GOLM2: variants seen among roughly 807,000 people sequenced by gnomAD.
GOLM2 encodes protein GOLM2.
In GOLM2, 26 loss-of-function variants were observed where a neutral mutation model predicts 55.9. The ratio of observed to expected loss-of-function variants is 0.47; its 90% CI spans 0.34 to 0.65. The LOEUF (loss-of-function observed/expected upper bound fraction) is 0.65. GOLM2 is among the 30% of genes least tolerant of loss of function. GOLM2 has a pLI of 0.01. For missense variants in GOLM2, 486 were observed against 531.8 expected, an observed-to-expected ratio of 0.91 and a Z score of 0.85; for synonymous variants, 165 against 194.6, an observed-to-expected ratio of 0.85 and a Z score of 1.27.
At chr15:44,299,087 C>T (rs973123949) in intron 1 of GOLM2, among the ~76,000 whole-genome samples, 2 of 152,144 alleles carry the variant, frequency 1.3e-5, no homozygotes, top group East Asian at 3.8e-4. Flanking sequence ...AAGCCAGGAG[C>T]CTCCCCCTAG....
intron 6 of GOLM2, 143 bp from the exon 7 acceptor site, chr15:44,379,547 T>G: frequency 1.6e-6 from 1 of 612,676 alleles, no homozygotes; most frequent in Non-Finnish European, 2.8e-6. Context: ...TAAATTAGCA[T>G]ACCAACTATA....
chr15:44,292,610 C>G (rs1025687669), intron 1 of GOLM2, among the ~76,000 whole-genome samples: 1 of 152,112 alleles, frequency 6.6e-6, no homozygotes, highest in Non-Finnish European at 1.5e-5. Flanking sequence ...GCCTTGGGCT[C>G]ACAAAGTGCT....
chr15:44,330,461 C>G (rs1225323335), intron 3 of GOLM2, among the ~76,000 whole-genome samples: 1 of 146,572 alleles, frequency 6.8e-6, no homozygotes, highest in African/African-American at 2.5e-5. Context: ...TGTAGTGAGC[C>G]GAGATCGCGC....
intron 1 of GOLM2, among the ~76,000 whole-genome samples, chr15:44,321,723 C>G (rs2078951258): frequency 6.6e-6 from 1 of 151,918 alleles, no homozygotes; most frequent in Non-Finnish European, 1.5e-5. Flanking sequence ...TCTTTGCTAT[C>G]TTTGCAATTT....
chr15:44,358,943 T>C (rs2141168893), intron 6 of GOLM2, among the ~76,000 whole-genome samples: 1 of 151,780 alleles, frequency 6.6e-6, no homozygotes, highest in East Asian at 1.9e-4. Flanking sequence ...GATCACGAGG[T>C]CAGGAGATCG....
intron 9 of GOLM2, among the ~76,000 whole-genome samples, chr15:44,410,069 C>T (rs2079627053): frequency 6.6e-6 from 1 of 152,014 alleles, no homozygotes; most frequent in Non-Finnish European, 1.5e-5. Context: ...GTGTTTATAG[C>T]CATAAGGTGA....
At chr15:44,411,396 A>C (rs2079637711) in intron 9 of GOLM2, among the ~76,000 whole-genome samples, 1 of 152,088 alleles carries the variant, frequency 6.6e-6, no homozygotes, top group South Asian at 2.1e-4. Context: ...TTTTTAGAAA[A>C]CTATAGTATA....
At chr15:44,369,216 G>T (rs903932462) in intron 6 of GOLM2, among the ~76,000 whole-genome samples, 2 of 143,354 alleles carry the variant, frequency 1.4e-5, no homozygotes, top group Admixed American at 7.2e-5. Context: ...ATGTGTGTGT[G>T]TGTGTGTGTG....
chr15:44,331,439 A>G lies in GOLM2; in HGVS notation c.486-549A>G, dbSNP rs141992567. On this transcript the variant is annotated intron_variant, in intron 3 of 9. Coordinates refer to ENST00000299957, the MANE Select transcript of GOLM2 (RefSeq NM_138423.4). ...ATCCTTTGACTACTTGGCTAGCAGA[A>G]AGTCACCATCTTTATCTGTTTTGCT... Among the ~76,000 whole-genome samples, 652 of 152,300 alleles carry G rather than the reference A, an allele frequency of 4.3e-3. 5 individuals carry two copies. The highest frequency in any genetic ancestry group is 0.015 in the African/African-American group (631 of 41,560).
intron 6 of GOLM2, among the ~76,000 whole-genome samples, chr15:44,376,319 G>T (rs1265770601): frequency 6.6e-6 from 1 of 152,080 alleles, no homozygotes; most frequent in African/African-American, 2.4e-5. Flanking sequence ...TGTCACCCAG[G>T]CTGGAGTGCA....
intron 6 of GOLM2, among the ~76,000 whole-genome samples, chr15:44,370,789 A>G (rs1381305592): frequency 1.3e-5 from 2 of 152,086 alleles, no homozygotes; most frequent in Non-Finnish European, 2.9e-5. Flanking sequence ...GCCTCTGAGT[A>G]TCTGGGACTA....
intron 6 of GOLM2, among the ~76,000 whole-genome samples, chr15:44,359,136 C>T (rs984904218): frequency 1.5e-4 from 23 of 151,022 alleles, no homozygotes; most frequent in African/African-American, 3.2e-4. Flanking sequence ...GGTGACAGAG[C>T]GAGACTCTGT....
Position 44,328,745 on chromosome 15 carries a change from G to A in GOLM2, c.443G>A (p.Arg148Lys). Reference sequence around the variant, plus strand: ...CAAGAAGACCAGCTTCAGGACTATAGGAAGAACAATACTTACCTTGTGAAG... The same window carrying A: ...CAAGAAGACCAGCTTCAGGACTATAAGAAGAACAATACTTACCTTGTGAAG... ...LRQEDQLQDY[R>K]KNNTYLVKRL... The change falls in exon 3 of 10, where the codon AGG becomes AAG. Residue 148 changes from arginine (R) to lysine (K), a missense_variant. Physicochemically the swap from Arg to Lys is conservative, Grantham distance 26 (BLOSUM62 2). Transcript: ENST00000299957. 1.9e-6 allele frequency: 3 copies of A among 1,612,774 alleles called. No homozygotes were observed. The highest frequency in any genetic ancestry group is 2.5e-6 in the Non-Finnish European group (3 of 1,179,552).
intron 6 of GOLM2, among the ~76,000 whole-genome samples, chr15:44,363,741 C>G (rs1232692027): frequency 6.6e-6 from 1 of 151,350 alleles, no homozygotes; most frequent in East Asian, 2.0e-4. Flanking sequence ...GACACATGCA[C>G]ACGTATGTTT....
At chr15:44,310,800 C>T (rs933573253) in intron 1 of GOLM2, among the ~76,000 whole-genome samples, 3 of 152,094 alleles carry the variant, frequency 2.0e-5, no homozygotes, top group East Asian at 3.9e-4. Context: ...GGGCGGATCA[C>T]GAGGTCAGGA....
intron 1 of GOLM2, among the ~76,000 whole-genome samples, chr15:44,305,051 T>G (rs958325881): frequency 6.6e-6 from 1 of 152,264 alleles, no homozygotes; most frequent in African/African-American, 2.4e-5. Flanking sequence ...CAGGCTGGAG[T>G]ACAGTGGCAC....
chr15:44,357,510 T>C (rs2079205992), intron 6 of GOLM2, among the ~76,000 whole-genome samples: 1 of 152,196 alleles, frequency 6.6e-6, no homozygotes, highest in Non-Finnish European at 1.5e-5. Flanking sequence ...ATGTGCCTTC[T>C]CACCACTCCT....
intron 1 of GOLM2, among the ~76,000 whole-genome samples, chr15:44,290,890 C>A (rs113077748): frequency 5.9e-5 from 9 of 151,796 alleles, no homozygotes; most frequent in Admixed American, 3.3e-4. Flanking sequence ...CAACCTCCGC[C>A]CCCCCGGGGT....
intron 1 of GOLM2, among the ~76,000 whole-genome samples, chr15:44,303,310 C>A (rs2078812575): frequency 6.6e-6 from 1 of 152,078 alleles, no homozygotes; most frequent in African/African-American, 2.4e-5. Flanking sequence ...TCTGATTGCA[C>A]TACCTTTTCT....
Sources: allele counts gnomAD v4.1 joint callset (sites outside exome capture counted in the v4.1 genomes callset), GRCh38; gene constraint gnomAD v4.1.1; transcripts MANE v1.5; gene names NCBI Gene and HGNC (gene_info 2026-07-23, HGNC 2026-07-21).